Variants in KLC2 observed in about 807,000 individuals in gnomAD.
KLC2 encodes kinesin light chain 2.
A neutral mutation model predicts 75.1 loss-of-function variants in KLC2; 35 were observed. That is an observed-to-expected ratio of 0.47 (90% CI 0.36 to 0.62). The LOEUF is 0.62. KLC2 is among the 20% of genes least tolerant of loss of function. The probability of loss-of-function intolerance (pLI) is 0.00; values close to 1 mark genes in which losing one functional copy is unlikely to be tolerated. For missense variants in KLC2, 611 were observed against 833.2 expected (o/e 0.73, Z 3.28); for synonymous variants, 314 against 336.7 (o/e 0.93, Z 0.74).
chr11:66,264,387 A>C lies in KLC2; in HGVS notation c.1159A>C (p.Thr387Pro). The C allele has an allele frequency of 6.2e-7, 1 of 1,613,564 alleles. No individual in the cohort carries two copies. The highest frequency in any genetic ancestry group is 2.2e-5 in the East Asian group (1 of 44,868). The change falls in exon 9 of 16, where the codon ACC becomes CCC. Residue 387 changes from threonine (T) to proline (P), a missense_variant. Thr to Pro is a conservative substitution (Grantham distance 38). Transcript: ENST00000394067. Reference sequence around the variant, plus strand: ...GCAGGGCAAGTACCAGGATGCGGAGACCTTGTACAAGGAGATCCTCACCCG... The same window carrying C: ...GCAGGGCAAGTACCAGGATGCGGAGCCCTTGTACAAGGAGATCCTCACCCG... ...LKQGKYQDAE[T>P]LYKEILTRAH...
intron 1 of KLC2, 72 bp downstream of exon 1, chr11:66,257,943 T>C (rs1268583101): frequency 1.3e-5 from 2 of 151,990 alleles, no homozygotes; most frequent in Admixed American, 1.3e-4. Context: ...CGGGTCGGCC[T>C]AGGGGAGGGG....
chr11:66,264,371 G>A lies in KLC2; in HGVS notation c.1143G>A (p.Lys381=). 6.2e-7 allele frequency: 1 copy of A among 1,613,496 alleles called. No homozygotes were observed. The highest frequency in any genetic ancestry group is 8.5e-7 in the Non-Finnish European group (1 of 1,179,742). The stretch of plus-strand genomic sequence containing the variant: ...CTTCCTGCTACCTGAAGCAGGGCAA[G>A]TACCAGGATGCGGAGACCTTGTACA... ...NLASCYLKQG[K]YQDAETLYKE... is the part of the protein sequence containing the mutation. The change falls in exon 9 of 16, where the codon AAG becomes AAA. Residue 381 remains lysine, a synonymous_variant. Transcript: ENST00000394067.
intron 2 of KLC2, 135 bp downstream of exon 2, chr11:66,258,957 A>G (rs902253257): frequency 2.0e-5 from 13 of 641,446 alleles, no homozygotes; most frequent in African/African-American, 7.3e-5. Context: ...ACCCCAGTAA[A>G]TACCTTTTGA....
chr11:66,263,114 G>C, intron 5 of KLC2, 78 bp downstream of exon 5: 1 of 1,093,144 alleles, frequency 9.1e-7, no homozygotes, highest in East Asian at 2.5e-5. Context: ...GCCTGCTGTG[G>C]GCCAGGACTC....
rs758836382 is a variant in KLC2, at chr11:66,263,900, A to G, written c.890A>G (p.Lys297Arg). 6.2e-7 allele frequency: 1 copy of G among 1,614,234 alleles called. No individual in the cohort carries two copies. The highest frequency in any genetic ancestry group is 8.5e-7 in the Non-Finnish European group (1 of 1,180,038). Residue 297 changes from lysine (K) to arginine (R), a missense_variant, in exon 7 of 16, where the codon AAG (lysine) becomes AGG (arginine). Physicochemically the swap from Lys to Arg is conservative, Grantham distance 26. Transcript: ENST00000394067. The stretch of plus-strand genomic sequence containing the variant: ...GCAGTCCTGTATGGCAAGAGGGGCA[A>G]GTACAAGGAGGCTGAGCCATTGTGC... ...NLAVLYGKRG[K>R]YKEAEPLCKR... is the part of the protein sequence containing the mutation.
chr11:66,259,095 A>G (rs573110295), intron 2 of KLC2, among the ~76,000 whole-genome samples: 53 of 152,328 alleles, frequency 3.5e-4, no homozygotes, highest in African/African-American at 1.2e-3. Context: ...GAGAACAGAA[A>G]GAAAATCCTT....
chr11:66,249,537 C>T, the KLC2 span, among the ~76,000 whole-genome samples: 1 of 152,208 alleles, frequency 6.6e-6, no homozygotes, highest in Non-Finnish European at 1.5e-5. Flanking sequence ...GCCTTTGAGC[C>T]AGGCTGCTGC....
chr11:66,264,158 A>G lies in KLC2; in HGVS notation c.1055A>G (p.Glu352Gly). 6.3e-7 allele frequency: 1 copy of G among 1,576,100 alleles called. No individual in the cohort carries two copies. The highest frequency in any genetic ancestry group is 1.7e-4 in the Middle Eastern group (1 of 6,016). Residue 352 changes from glutamate (E) to glycine (G), a missense_variant, in exon 8 of 16, where the codon GAG (glutamate) becomes GGG (glycine). Coordinates refer to ENST00000394067, the MANE Select transcript of KLC2 (RefSeq NM_001318734.2). Reference protein sequence around the residue: ...EVEYYYRRALEIYATRLGPDD... With the variant: ...EVEYYYRRALGIYATRLGPDD... The stretch of plus-strand genomic sequence containing the variant: ...GAATATTACTATCGGCGGGCACTGG[A>G]GATCTATGCTACACGCCTCGGGCCC...
At chr11:66,263,124 C>A in intron 5 of KLC2, 88 bp downstream of exon 5, 1 of 927,394 alleles carries the variant, frequency 1.1e-6, no homozygotes, top group Non-Finnish European at 1.7e-6. Flanking sequence ...GGCCAGGACT[C>A]GTGGCCCACC....
rs1330957891 is a variant in KLC2 at position 66,267,402 on chromosome 11, C to T, written c.*446C>T. The T allele has an allele frequency of 1.4e-6, 1 of 718,284 alleles. No individual in the cohort carries two copies. The highest frequency in any genetic ancestry group is 1.5e-5 in the South Asian group (1 of 67,604). 44.5% of individuals were successfully genotyped at this position (718,284 alleles called of 1,614,324 possible). A position where few individuals can be genotyped will look rare whatever the true frequency, so the allele number is the denominator to read the frequency against. ...AGTCCACGGTACTACCCGGGCCTCC[C>T]CTCGTCCCTCTTCTAGTGGTACCGC... On this transcript the variant is annotated 3_prime_UTR_variant, in exon 16 of 16. Coordinates refer to ENST00000394067, the MANE Select transcript of KLC2 (RefSeq NM_001318734.2).
Position 66,266,883 on chromosome 11 carries a change from C to G in KLC2, c.1796C>G (p.Thr599Arg), listed in dbSNP as rs754288186. The change falls in exon 16 of 16, where the codon ACA becomes AGA. Residue 599 changes from threonine to arginine, a missense_variant. By Grantham distance (71) the Thr-to-Arg change is moderately conservative (BLOSUM62 -1). Coordinates refer to ENST00000394067, the MANE Select transcript of KLC2 (RefSeq NM_001318734.2). ...CCCCTCTGCCCACAGCCTGGAGGCA[C>G]AGGTCTCTCTGACAGCCGCACTCTC... ...SVEEPTQPGG[T>R]GLSDSRTLSS... 1 of 1,613,472 alleles carries G rather than the reference C, an allele frequency of 6.2e-7. No homozygotes were observed. The highest frequency in any genetic ancestry group is 8.5e-7 in the Non-Finnish European group (1 of 1,180,018).
Position 66,258,973 on chromosome 11 carries a change from T to C in KLC2, c.228+151T>C, listed in dbSNP as rs188887894. 212 of 629,674 alleles carry C rather than the reference T, an allele frequency of 3.4e-4. No individual in the cohort carries two copies. In the Admixed American group the frequency reaches 4.8e-3, roughly 14 times the overall value. 39.0% of individuals were successfully genotyped at this position (629,674 alleles called of 1,614,324 possible). ...CCCCAGTAAATACCTTTTGAAGAAATAAATGCACTTTGGCGACCCCAGCCC... is the reference window on the plus strand; with the variant it reads ...CCCCAGTAAATACCTTTTGAAGAAACAAATGCACTTTGGCGACCCCAGCCC... On this transcript the variant is annotated intron_variant, in intron 2 of 15. Coordinates refer to ENST00000394067, the MANE Select transcript of KLC2 (RefSeq NM_001318734.2).
At chr11:66,265,513 C>T in intron 11 of KLC2, 142 bp from the exon 12 acceptor site, 2 of 760,552 alleles carry the variant, frequency 2.6e-6, no homozygotes, top group East Asian at 2.7e-5. Flanking sequence ...GCTGGGTGGG[C>T]CCAGCACAGG....
At chr11:66,252,989 T>C (rs934110209), upstream of KLC2, among the ~76,000 whole-genome samples, 2 of 148,890 alleles carry the variant, frequency 1.3e-5, no homozygotes, top group African/African-American at 2.5e-5. Context: ...TGAGCACTTA[T>C]GGGTGAATGT....
At position 66,261,993 on chromosome 11, in the gene KLC2, CTG is replaced by C; in HGVS notation, c.459+23_459+24del. 2.5e-6 allele frequency: 4 copies of C among 1,606,752 alleles called. No individual in the cohort carries two copies. In the South Asian group the frequency reaches 4.4e-5, roughly 18 times the overall value. On this transcript the variant is annotated intron_variant, in intron 3 of 15. Coordinates refer to ENST00000394067, the MANE Select transcript of KLC2 (RefSeq NM_001318734.2). ...CTAACGTGAGCTCCTACCATGGTCACTGTTGCCCAGCAAGGAGGCCTGGGAGC... is the reference window on the plus strand; with the variant it reads ...CTAACGTGAGCTCCTACCATGGTCACTTGCCCAGCAAGGAGGCCTGGGAGC...
Position 66,263,968 on chromosome 11 carries a change from G to A in KLC2, c.942+16G>A, listed in dbSNP as rs766063752. ...CCGGGAGAAGGTGGGAACAGGCAGG[G>A]CTGGGCAGGCTGGGGGTCTGGGAGG... On this transcript the variant is annotated intron_variant, in intron 7 of 15. Transcript: ENST00000394067. 2.5e-6 allele frequency: 4 copies of A among 1,613,536 alleles called. No individual in the cohort carries two copies. Among genetic ancestry groups the A allele is most frequent in the Non-Finnish European group, 3.4e-6 (4 of 1,179,506 alleles).
At chr11:66,262,459 C>T (rs1856502312) in intron 4 of KLC2, 3 of 559,242 alleles carry the variant, frequency 5.4e-6, no homozygotes, top group Admixed American at 6.2e-5. Context: ...GGAGAGTTCT[C>T]TTCCTCTCCG....
At chr11:66,244,904 T>C in the KLC2 span, 6 of 152,216 alleles carry the variant, frequency 3.9e-5, no homozygotes, top group African/African-American at 1.4e-4. Context: ...GTGTCTCACC[T>C]GGCATGAGGC....
rs980161373 is a variant in KLC2 at position 66,267,608 on chromosome 11, C to A, written c.*652C>A. The A allele has an allele frequency of 5.0e-6, 3 of 602,106 alleles. No homozygotes were observed. Among genetic ancestry groups the A allele is most frequent in the Non-Finnish European group, 8.9e-6 (3 of 335,850 alleles). 37.3% of individuals were successfully genotyped at this position (602,106 alleles called of 1,614,324 possible). On this transcript the variant is annotated 3_prime_UTR_variant, in exon 16 of 16. Transcript: ENST00000394067. The stretch of plus-strand genomic sequence containing the variant: ...GGGGACCTCCCCTTAGTCCGTCCTC[C>A]CACCGCCGGGCCCTGCCCCGCATCC...
Sources: allele counts gnomAD v4.1 joint callset (sites outside exome capture counted in the v4.1 genomes callset), GRCh38; gene constraint gnomAD v4.1.1; transcripts MANE v1.5; gene names NCBI Gene and HGNC (gene_info 2026-07-23, HGNC 2026-07-21).